Variants in ANO4 observed in about 807,000 individuals in gnomAD.
The protein encoded by ANO4 is anoctamin 4.
Under a neutral mutation model 141.9 loss-of-function variants are expected in ANO4, and 69 were observed. The observed-to-expected ratio is 0.49, with a 90% CI of 0.40 to 0.59. The LOEUF (loss-of-function observed/expected upper bound fraction) is 0.59. ANO4 is among the 20% of genes least tolerant of loss of function. ANO4 has a pLI of 0.00. For missense variants in ANO4, 894 were observed against 1,162.2 expected (o/e 0.77, Z 3.36); for synonymous variants, 350 against 394.3 (o/e 0.89, Z 1.33).
chr12:100,933,877 C>T (rs2042181044), intron 3 of ANO4, among the ~76,000 whole-genome samples: 1 of 152,180 alleles, frequency 6.6e-6, no homozygotes, highest in South Asian at 2.1e-4. Flanking sequence ...TTTCATGTGT[C>T]TGTTGGCTGC....
intron 8 of ANO4, among the ~76,000 whole-genome samples, chr12:100,989,371 T>C (rs2044930455): frequency 6.6e-6 from 1 of 152,248 alleles, no homozygotes; most frequent in Non-Finnish European, 1.5e-5. Context: ...TTGTTCATCT[T>C]GGAAGTTTTT....
At chr12:100,940,101 A>G (rs766501361) in intron 4 of ANO4, among the ~76,000 whole-genome samples, 1 of 151,994 alleles carries the variant, frequency 6.6e-6, no homozygotes, top group Non-Finnish European at 1.5e-5. Flanking sequence ...TGCTAAAAGG[A>G]TGACACCTGG....
intron 9 of ANO4, among the ~76,000 whole-genome samples, chr12:101,033,251 G>A (rs1337619761): frequency 2.6e-5 from 4 of 151,890 alleles, no homozygotes; most frequent in South Asian, 2.1e-4. Flanking sequence ...CTCACTCATA[G>A]GTGGGAATTG....
At chr12:100,853,267 A>G (rs2037979107) in intron 1 of ANO4, among the ~76,000 whole-genome samples, 1 of 152,160 alleles carries the variant, frequency 6.6e-6, no homozygotes, top group Admixed American at 6.6e-5. Flanking sequence ...TCTCTTAATA[A>G]TTTATTTTGT....
intron 5 of ANO4, among the ~76,000 whole-genome samples, chr12:100,965,891 G>A (rs1258350685): frequency 6.6e-6 from 1 of 152,010 alleles, no homozygotes; most frequent in Admixed American, 6.6e-5. Flanking sequence ...GTTGTCTGAT[G>A]TCTGTCTCCC....
chr12:100,838,117 G>A (rs184727879), intron 1 of ANO4, among the ~76,000 whole-genome samples: 3 of 151,924 alleles, frequency 2.0e-5, no homozygotes, highest in Non-Finnish European at 2.9e-5. Flanking sequence ...GCTGAGGCTG[G>A]TGGTGGTGAA....
chr12:100,721,247 C>T lies in ANO4; in HGVS notation c.22+3700C>T, dbSNP rs989745794. On this transcript the variant is annotated intron_variant, in intron 1 of 29. Coordinates refer to the ANO4 transcript ENST00000644049. ...CAACTACTGAGCTCTAACTATGTTC[C>T]AGGCTCTAGCCTTAACCCAGGGTTA... Among the ~76,000 whole-genome samples the T allele has an allele frequency of 3.3e-5, 5 of 152,210 alleles. No individual in the cohort carries two copies. In the South Asian group the frequency reaches 1.0e-3, roughly 32 times the overall value.
At chr12:100,870,396 C>G (rs540472994) in intron 1 of ANO4, among the ~76,000 whole-genome samples, 23 of 152,162 alleles carry the variant, frequency 1.5e-4, no homozygotes, top group Non-Finnish European at 2.8e-4. Flanking sequence ...TTCAGTTAAG[C>G]AGCATTGGTT....
chr12:100,922,432 A>C, intron 3 of ANO4, 102 bp downstream of exon 3: 1 of 747,050 alleles, frequency 1.3e-6, no homozygotes, highest in South Asian at 2.3e-5. Context: ...GCTTTAAAAA[A>C]TATTAACAAA....
chr12:100,919,736 G>GTCTATCTATCTATC (rs2041535474), intron 2 of ANO4, among the ~76,000 whole-genome samples: 5 of 133,054 alleles, frequency 3.8e-5, no homozygotes, highest in Non-Finnish European at 8.0e-5. Context: ...GTGTATGTAT[G>GTCTATCTATCTATC]TATCTATCTA....
chr12:100,961,239 G>A (rs2043405474), intron 5 of ANO4, among the ~76,000 whole-genome samples: 1 of 152,114 alleles, frequency 6.6e-6, no homozygotes, highest in Non-Finnish European at 1.5e-5. Flanking sequence ...TGTGTTGTGA[G>A]GCAGATAAAA....
At chr12:101,056,614 A>G (rs1191714975) in intron 14 of ANO4, among the ~76,000 whole-genome samples, 1 of 152,122 alleles carries the variant, frequency 6.6e-6, no homozygotes, top group African/African-American at 2.4e-5. Context: ...TAGGACCTCC[A>G]GAATAATGCT....
intron 15 of ANO4, among the ~76,000 whole-genome samples, chr12:101,083,306 C>G (rs1013296465): frequency 1.1e-4 from 16 of 152,154 alleles, no homozygotes; most frequent in Non-Finnish European, 1.8e-4. Context: ...TTTCTTATCA[C>G]TCTCTGGTAA....
At chr12:100,739,993 C>T (rs1034210730) in exon 3 of ANO4, 9 of 702,510 alleles carry the variant, frequency 1.3e-5, no homozygotes, top group Non-Finnish European at 2.1e-5. Flanking sequence ...ACCGATCCTT[C>T]ACCCGCAAGA....
At position 100,787,532 on chromosome 12, in the gene ANO4, G is replaced by A. The variant is rs143084613; in HGVS notation, c.358+47427G>A. Among the ~76,000 whole-genome samples, 196 of 152,278 alleles carry A rather than the reference G, an allele frequency of 1.3e-3. 1 individual carries two copies. Among genetic ancestry groups the A allele is most frequent in the African/African-American group, 4.5e-3 (189 of 41,540 alleles). ...GAGAGTTTTCTGTTGGAGAAGGCACGATGGCATCTTCATTTAAAAATCCTC... is the reference window on the plus strand; with the variant it reads ...GAGAGTTTTCTGTTGGAGAAGGCACAATGGCATCTTCATTTAAAAATCCTC... On this transcript the variant is annotated intron_variant, in intron 3 of 29. Transcript: ENST00000644049.
chr12:101,010,950 C>G (rs1310179843), intron 8 of ANO4, among the ~76,000 whole-genome samples: 1 of 152,184 alleles, frequency 6.6e-6, no homozygotes, highest in Non-Finnish European at 1.5e-5. Context: ...ACTGCTTTCA[C>G]CTGGAGTCAA....
At chr12:101,109,917 A>C (rs2050596657) in intron 22 of ANO4, among the ~76,000 whole-genome samples, 1 of 152,196 alleles carries the variant, frequency 6.6e-6, no homozygotes, top group African/African-American at 2.4e-5. Context: ...TTAGATACTT[A>C]GTCTTTGGGT....
chr12:100,840,976 C>T (rs905244358), intron 1 of ANO4, among the ~76,000 whole-genome samples: 1 of 152,042 alleles, frequency 6.6e-6, no homozygotes, highest in East Asian at 1.9e-4. Flanking sequence ...TTTAGGCATG[C>T]CTGGAACGTT....
rs903533732 is a variant in ANO4 at position 101,069,993 on chromosome 12, G to A, written c.1313-9200G>A. 4.5e-4 allele frequency among the ~76,000 whole-genome samples: 69 copies of A among 151,786 alleles called. 1 individual carries two copies. Among genetic ancestry groups the A allele is most frequent in the Middle Eastern group, 3.4e-3 (1 of 294 alleles). ...ATAAAGTATATAATAAAATAATCAT[G>A]CTACTAAAAAAAAGAAATTGAAGAG... On this transcript the variant is annotated intron_variant, in intron 14 of 27. Transcript: ENST00000392977.
Sources: gnomAD v4.1 joint callset for allele counts (sites outside exome capture counted in the v4.1 genomes callset) on GRCh38, gnomAD v4.1.1 for gene constraint, MANE v1.5 for transcripts, NCBI Gene and HGNC (gene_info 2026-07-23, HGNC 2026-07-21) for gene names.